The following PARD3B variants were observed in gnomAD, a reference collection of about 807,000 sequenced individuals.
PARD3B encodes the protein par-3 family cell polarity regulator beta, also known as partitioning defective 3 homolog B.
PARD3B carries 103 observed loss-of-function variants against 130.2 expected under a neutral mutation model. The ratio of observed to expected loss-of-function variants is 0.79; its 90% CI spans 0.67 to 0.93. The LOEUF (loss-of-function observed/expected upper bound fraction) is 0.93. Among genes scored for constraint, PARD3B ranks in the 40% least tolerant of loss-of-function variants. The pLI is 0.00. For missense variants in PARD3B, 1,609 were observed against 1,499.2 expected, an observed-to-expected ratio of 1.07 and a Z score of -1.21; for synonymous variants, 583 against 553.2, an observed-to-expected ratio of 1.05 and a Z score of -0.76.
intron 1 of PARD3B, among the ~76,000 whole-genome samples, chr2:204,605,668 G>C (rs1166192545): frequency 6.6e-6 from 1 of 152,084 alleles, no homozygotes; most frequent in East Asian, 1.9e-4. Flanking sequence ...GGTTTTGCGT[G>C]ACCTTGGGCA....
Position 205,568,049 on chromosome 2 carries a change from CT to C in PARD3B, c.3260+14647del, listed in dbSNP as rs2053424225. 6.6e-6 allele frequency among the ~76,000 whole-genome samples: 1 copy of C among 152,186 alleles called. No homozygotes were observed. Among genetic ancestry groups the C allele is most frequent in the Non-Finnish European group, 1.5e-5 (1 of 68,040 alleles). ...GATATCAACTCCCCAGCACTTCTTC[CT>C]GTCCAGTGCACTGGTAACAGAAGCC... On this transcript the variant is annotated intron_variant, in intron 22 of 22. Coordinates refer to ENST00000406610, the MANE Select transcript of PARD3B (RefSeq NM_001302769.2). This position sits in a 1 kb window ranked among gnomAD's most constrained non-coding sequence, Gnocchi z 5.3.
Position 204,943,448 on chromosome 2 carries a change from G to A in PARD3B, c.223-21704G>A, listed in dbSNP as rs553550909. 1.8e-3 allele frequency among the ~76,000 whole-genome samples: 279 copies of A among 152,030 alleles called. No individual in the cohort carries two copies. The highest frequency in any genetic ancestry group is 6.4e-3 in the African/African-American group (267 of 41,466). The stretch of plus-strand genomic sequence containing the variant: ...CTTACTGGTCCCCAGGTTAACCTAG[G>A]GAGTTGATACAGTGCCCTTTCCCAA... On this transcript the variant is annotated intron_variant, in intron 2 of 22. Transcript: ENST00000406610. This position sits in a 1 kb window ranked among gnomAD's most constrained non-coding sequence, Gnocchi z 4.2.
intron 10 of PARD3B, among the ~76,000 whole-genome samples, chr2:205,132,077 G>A (rs1373483458): frequency 6.6e-6 from 1 of 152,184 alleles, no homozygotes; most frequent in African/African-American, 2.4e-5. Flanking sequence ...TGAGATGCAT[G>A]TAAAATGCTT....
chr2:205,455,739 C>T (rs2048251765), intron 20 of PARD3B, among the ~76,000 whole-genome samples: 1 of 151,952 alleles, frequency 6.6e-6, no homozygotes, highest in African/African-American at 2.4e-5. Context: ...TCCTTGTACC[C>T]TTCACCCAAT....
Position 205,160,805 on chromosome 2 carries a change from A to T in PARD3B, c.1620+1898A>T, listed in dbSNP as rs111777341. ...CATTTTATCAAAGTGGAAATTACAG[A>T]TTAGACCCTTTAGTGCCTTTCCTGT... On this transcript the variant is annotated intron_variant, in intron 11 of 22. Coordinates refer to ENST00000406610, the MANE Select transcript of PARD3B (RefSeq NM_001302769.2). This position sits in a 1 kb window ranked among gnomAD's most constrained non-coding sequence, Gnocchi z 4.0. Among the ~76,000 whole-genome samples the T allele has an allele frequency of 3.2e-3, 491 of 152,290 alleles. 2 individuals carry two copies. The highest frequency in any genetic ancestry group is 0.011 in the African/African-American group (449 of 41,560).
intron 18 of PARD3B, among the ~76,000 whole-genome samples, chr2:205,329,067 C>T (rs1237294057): frequency 6.6e-6 from 1 of 152,134 alleles, no homozygotes; most frequent in Non-Finnish European, 1.5e-5. Context: ...CCCCCTGCTC[C>T]TTCTCTGGCA....
At chr2:205,129,935 G>A (rs1173648325) in intron 10 of PARD3B, among the ~76,000 whole-genome samples, 4 of 152,084 alleles carry the variant, frequency 2.6e-5, no homozygotes, top group Non-Finnish European at 4.4e-5. Context: ...ATTCTAGTTC[G>A]TGTCCTTCCT....
At position 205,051,608 on chromosome 2, in the gene PARD3B, G is replaced by A. The variant is rs185333455; in HGVS notation, c.504+3918G>A. On this transcript the variant is annotated intron_variant, in intron 4 of 22. Transcript: ENST00000406610. Reference sequence around the variant, plus strand: ...GCACTTCATTAGGCTTACTGTAGAGGGAAGAGTTTTCATTGATGCCCAGAG... The same window carrying A: ...GCACTTCATTAGGCTTACTGTAGAGAGAAGAGTTTTCATTGATGCCCAGAG... Among the ~76,000 whole-genome samples, 16 of 152,228 alleles carry A rather than the reference G, an allele frequency of 1.1e-4. No homozygotes were observed. In the East Asian group the frequency reaches 2.9e-3, roughly 28 times the overall value.
chr2:205,614,862 A>G (rs1438392260), intron 22 of PARD3B, among the ~76,000 whole-genome samples: 1 of 152,178 alleles, frequency 6.6e-6, no homozygotes, highest in Admixed American at 6.5e-5. Context: ...AGCCCGTTTA[A>G]AAGAGCACCT....
At chr2:204,942,134 T>C (rs946899751) in intron 2 of PARD3B, among the ~76,000 whole-genome samples, 1 of 152,206 alleles carries the variant, frequency 6.6e-6, no homozygotes, top group South Asian at 2.1e-4. Context: ...CAGCCTTCTT[T>C]AGGATATAGT....
chr2:205,478,022 T>A (rs189206948), intron 20 of PARD3B, among the ~76,000 whole-genome samples: 5 of 152,224 alleles, frequency 3.3e-5, no homozygotes, highest in African/African-American at 4.8e-5. Flanking sequence ...AGAGGTTTAA[T>A]TGGGGAAGCC....
chr2:205,145,368 A>G (rs967119547), intron 10 of PARD3B, among the ~76,000 whole-genome samples: 2 of 152,180 alleles, frequency 1.3e-5, no homozygotes, highest in South Asian at 4.1e-4. Flanking sequence ...ATGGAAATGA[A>G]ACATCATTTA....
At chr2:205,381,202 AAT>A (rs1255707518) in intron 18 of PARD3B, among the ~76,000 whole-genome samples, 1 of 119,806 alleles carries the variant, frequency 8.3e-6, no homozygotes, top group Non-Finnish European at 1.6e-5. Context: ...TATTATATAT[AAT>A]ATATAAAGAA....
intron 15 of PARD3B, among the ~76,000 whole-genome samples, chr2:205,213,194 C>G (rs2037737240): frequency 6.6e-6 from 1 of 151,410 alleles, no homozygotes; most frequent in Non-Finnish European, 1.5e-5. Context: ...CCATTCAAAT[C>G]TTGCCTTCTC....
At chr2:205,215,725 T>C (rs1215161387) in intron 15 of PARD3B, among the ~76,000 whole-genome samples, 1 of 152,094 alleles carries the variant, frequency 6.6e-6, no homozygotes, top group African/African-American at 2.4e-5. Flanking sequence ...GGTAATTATA[T>C]AGGCACCTTA....
intron 18 of PARD3B, among the ~76,000 whole-genome samples, chr2:205,310,058 A>T (rs1436874420): frequency 6.6e-6 from 1 of 150,832 alleles, no homozygotes; most frequent in Non-Finnish European, 1.5e-5. Context: ...TATTTCTTTC[A>T]TGGTGAGAAC....
intron 18 of PARD3B, among the ~76,000 whole-genome samples, chr2:205,374,048 T>C (rs989545061): frequency 1.3e-5 from 2 of 152,000 alleles, no homozygotes; most frequent in African/African-American, 4.8e-5. Flanking sequence ...GTCTTGAGGA[T>C]TGGGGAAAAG....
chr2:205,103,007 G>A (rs996047422), intron 4 of PARD3B, among the ~76,000 whole-genome samples: 1 of 152,076 alleles, frequency 6.6e-6, no homozygotes, highest in South Asian at 2.1e-4. Flanking sequence ...GGCGGAGGTT[G>A]CAGTGAGCCG....
chr2:204,763,762 G>T (rs578058516), intron 2 of PARD3B, among the ~76,000 whole-genome samples: 3 of 152,276 alleles, frequency 2.0e-5, no homozygotes, highest in African/African-American at 7.2e-5. Flanking sequence ...TGAATCTCCT[G>T]TGCCTGGTGT....
Sources: gnomAD v4.1 joint callset for allele counts (sites outside exome capture counted in the v4.1 genomes callset) on GRCh38, gnomAD v4.1.1 for gene constraint, Gnocchi (gnomAD v3.1) non-coding constraint, MANE v1.5 for transcripts, NCBI Gene and HGNC (gene_info 2026-07-23, HGNC 2026-07-21) for gene names.